C2CD3: variants seen among roughly 807,000 people sequenced by gnomAD.
C2CD3 encodes the protein C2 domain containing 3 centriole elongation regulator, also known as C2 domain-containing protein 3.
Under a neutral mutation model 234.0 loss-of-function variants are expected in C2CD3, and 148 were observed. The ratio of observed to expected loss-of-function variants is 0.63; its 90% confidence interval spans 0.55 to 0.72. The LOEUF is 0.72. Among genes scored for constraint, C2CD3 ranks in the 30% least tolerant of loss-of-function variants. The pLI, the probability that C2CD3 is intolerant of heterozygous loss-of-function variation, is 0.00. For missense variants in C2CD3, 2,577 were observed against 2,811.5 expected (o/e 0.92, Z 1.89); for synonymous variants, 1,000 against 1,035.4 (o/e 0.97, Z 0.66).
chr11:74,130,264 C>T (rs1165298682), intron 7 of C2CD3, among the ~76,000 whole-genome samples: 8 of 148,612 alleles, frequency 5.4e-5, no homozygotes, highest in Non-Finnish European at 8.9e-5. Context: ...CTCGCTTTGT[C>T]GCTGAAGCTG....
At position 74,139,793 on chromosome 11, in the gene C2CD3, G is replaced by GT. The variant is rs759307086; in HGVS notation, c.518dup (p.Tyr173Ter). ...TGGTAGGAAGTGGATGGTAGCTGTC[G>GT]TAAGTTTCTGACAGAGGTTCCAGGG... is the stretch of plus-strand genomic sequence containing the variant. ...SLALEPLSET[Y>*]DSYHPLPTTD... The change falls in exon 4 of 33, where the codon TAC (tyrosine) becomes TAAC (stop). Residue 173 changes from tyrosine to a stop codon, truncating the protein, a stop_gained and frameshift_variant. Transcript: ENST00000334126. LOFTEE classifies it high-confidence loss of function. 3 of 1,613,126 alleles carry GT rather than the reference G, an allele frequency of 1.9e-6. No homozygotes were observed. The highest frequency in any genetic ancestry group is 1.7e-5 in the Admixed American group (1 of 59,980).
chr11:74,137,552 C>CT (rs1025635098), intron 5 of C2CD3, among the ~76,000 whole-genome samples: 19 of 140,704 alleles, frequency 1.4e-4, no homozygotes, highest in Non-Finnish European at 2.8e-4. Flanking sequence ...TATATATATA[C>CT]TTTTTTTTGG....
chr11:74,155,605 T>C (rs1360539416), intron 3 of C2CD3, among the ~76,000 whole-genome samples: 3 of 152,070 alleles, frequency 2.0e-5, no homozygotes, highest in Admixed American at 6.6e-5. Flanking sequence ...GGATGAAACT[T>C]AGAAACATTA....
intron 32 of C2CD3, among the ~76,000 whole-genome samples, chr11:74,027,209 C>T (rs1157443963): frequency 1.3e-5 from 2 of 152,054 alleles, no homozygotes; most frequent in African/African-American, 4.8e-5. Flanking sequence ...TGGGCTCAAG[C>T]GATTTTTGTG....
In C2CD3 at chr11:74,042,230, A is replaced by G. The variant is rs1953102365; in HGVS notation, c.5496-12T>C. On this transcript the variant is annotated splice_polypyrimidine_tract_variant and intron_variant, in intron 28 of 32. Transcript: ENST00000334126. ...TTGTGGTATCACTTCTGTCAAAAAA[A>G]AAAAAAAAAAAAGTAGGAGCAAAAT... 1 of 1,578,264 alleles carries G rather than the reference A, an allele frequency of 6.3e-7. No individual in the cohort carries two copies. The highest frequency in any genetic ancestry group is 1.4e-5 in the African/African-American group (1 of 72,936).
chr11:74,066,812 C>T (rs1261443922), intron 24 of C2CD3, among the ~76,000 whole-genome samples: 1 of 152,122 alleles, frequency 6.6e-6, no homozygotes, highest in East Asian at 1.9e-4. Context: ...TGTCATAGAC[C>T]AAATTCTTTT....
At position 74,170,925 on chromosome 11, in the gene C2CD3, A is replaced by G; in HGVS notation, c.-133T>C. On this transcript the variant is annotated 5_prime_UTR_variant, in exon 1 of 33. Coordinates refer to ENST00000334126, the MANE Select transcript of C2CD3 (RefSeq NM_001286577.2). ...GCTGGGCAGCCTGGGAGGCAGGAAA[A>G]AGCGACTCTTCCTCTAACAGTCTCC... is the stretch of plus-strand genomic sequence containing the variant. 1 of 1,524,072 alleles carries G rather than the reference A, an allele frequency of 6.6e-7. No homozygotes were observed. The allele number at this position is 1,524,072 out of a possible 1,614,324, so 94.4% of individuals were successfully genotyped here.
Position 74,034,004 on chromosome 11 carries a change from G to A in C2CD3, c.6156C>T (p.Asp2052=). Residue 2052 remains aspartate, a synonymous_variant, in exon 31 of 33, where the codon GAC becomes GAT. Transcript: ENST00000334126. ...VPITRMQSSE[D]TEAGPAYSDE... is the part of the protein sequence containing the mutation. Reference sequence around the variant, plus strand: ...CACTGTAGGCTGGGCCTGCCTCAGTGTCTTCACTGCTCTGCATCCTTGTAA... The same window carrying A: ...CACTGTAGGCTGGGCCTGCCTCAGTATCTTCACTGCTCTGCATCCTTGTAA... 6.5e-7 allele frequency: 1 copy of A among 1,536,506 alleles called. No homozygotes were observed. The highest frequency in any genetic ancestry group is 8.7e-7 in the Non-Finnish European group (1 of 1,146,988).
In C2CD3 at chr11:74,124,161, T is replaced by TA. The variant is rs539056506; in HGVS notation, c.1218-1027dup. Among the ~76,000 whole-genome samples the TA allele has an allele frequency of 2.8e-3, 419 of 152,324 alleles. 1 individual carries two copies. The highest frequency in any genetic ancestry group is 4.6e-3 in the East Asian group (24 of 5,192). On this transcript the variant is annotated intron_variant, in intron 7 of 32. Coordinates refer to ENST00000334126, the MANE Select transcript of C2CD3 (RefSeq NM_001286577.2). ...TAATTAACATTTAATAAGCACCTGTTAGTGAACTTAATGATTTCTTAATGA... is the reference window on the plus strand; with the variant it reads ...TAATTAACATTTAATAAGCACCTGTTAAGTGAACTTAATGATTTCTTAATGA...
At chr11:74,086,899 C>A (rs902426946) in intron 20 of C2CD3, among the ~76,000 whole-genome samples, 1 of 152,158 alleles carries the variant, frequency 6.6e-6, no homozygotes, top group African/African-American at 2.4e-5. Flanking sequence ...TACTGTACTT[C>A]ATAGAGAGTA....
At chr11:74,161,655 TG>T in intron 2 of C2CD3, 99 bp from the exon 3 acceptor site, 1 of 672,788 alleles carries the variant, frequency 1.5e-6, no homozygotes. Flanking sequence ...CTTTCTAACT[TG>T]AAAAAAAATA....
At chr11:74,061,339 T>C (rs941402855) in intron 24 of C2CD3, among the ~76,000 whole-genome samples, 4 of 151,968 alleles carry the variant, frequency 2.6e-5, no homozygotes, top group East Asian at 1.9e-4. Flanking sequence ...TTCACCAAAG[T>C]TGAAATGAAG....
intron 11 of C2CD3, among the ~76,000 whole-genome samples, chr11:74,111,114 T>C (rs1056798461): frequency 2.0e-5 from 3 of 152,246 alleles, no homozygotes; most frequent in Non-Finnish European, 2.9e-5. Flanking sequence ...ATTCTAGTTC[T>C]ACCATAAACC....
intron 24 of C2CD3, among the ~76,000 whole-genome samples, chr11:74,059,343 G>A (rs1397154960): frequency 2.7e-5 from 4 of 148,352 alleles, no homozygotes; most frequent in African/African-American, 7.7e-5. Flanking sequence ...CCTGGGAGGC[G>A]GAGCTTGCAG....
intron 12 of C2CD3, among the ~76,000 whole-genome samples, chr11:74,107,407 T>G (rs995798686): frequency 1.3e-5 from 2 of 151,852 alleles, no homozygotes; most frequent in African/African-American, 4.8e-5. Flanking sequence ...ATGTTAAAAG[T>G]AGTTAACAAT....
chr11:74,042,174 A>C lies in C2CD3; in HGVS notation c.5540T>G (p.Val1847Gly). 1.2e-6 allele frequency: 2 copies of C among 1,613,198 alleles called. No individual in the cohort carries two copies. The highest frequency in any genetic ancestry group is 1.7e-6 in the Non-Finnish European group (2 of 1,179,924). ...TTCATGAAACCGGCGAATGTTCTGC[A>C]CATGCTCTTCATGGCGTGATGCTTG... ...RSQASRHEEH[V>G]QNIRRFHESL... Residue 1847 changes from valine to glycine, a missense_variant, in exon 29 of 33, where the codon GTG becomes GGG. Val to Gly is a moderately radical substitution (Grantham distance 109). Coordinates refer to ENST00000334126, the MANE Select transcript of C2CD3 (RefSeq NM_001286577.2).
intron 18 of C2CD3, among the ~76,000 whole-genome samples, chr11:74,093,559 G>A (rs1434972331): frequency 6.6e-6 from 1 of 151,932 alleles, no homozygotes; most frequent in Admixed American, 6.6e-5. Context: ...TACATAATAG[G>A]AGGTAAAATA....
intron 24 of C2CD3, among the ~76,000 whole-genome samples, chr11:74,062,757 G>C (rs1102891): frequency 0.041 from 6,037 of 148,790 alleles, 345 homozygotes; most frequent in African/African-American, 0.14. Flanking sequence ...TAGCAGAAGG[G>C]AAGAAATAAC....
At chr11:74,051,997 T>C (rs567736363) in intron 26 of C2CD3, among the ~76,000 whole-genome samples, 15 of 152,144 alleles carry the variant, frequency 9.9e-5, no homozygotes, top group Non-Finnish European at 2.1e-4. Context: ...GTCTGCAAAT[T>C]TTTTTGTAAA....
Sources: gnomAD v4.1 joint callset for allele counts (sites outside exome capture counted in the v4.1 genomes callset) on GRCh38, gnomAD v4.1.1 for gene constraint, MANE v1.5 for transcripts, NCBI Gene and HGNC (gene_info 2026-07-23, HGNC 2026-07-21) for gene names.